CDHR2: variants seen among roughly 807,000 people sequenced by gnomAD.
CDHR2 encodes the protein cadherin-related family member 2.
In CDHR2, 104 loss-of-function variants were observed where a neutral mutation model predicts 138.6. The ratio of observed to expected loss-of-function variants is 0.75; its 90% confidence interval spans 0.64 to 0.88. CDHR2 has a LOEUF of 0.88. Ranked by LOEUF, CDHR2 falls within the 40% of genes least tolerant of loss-of-function variation. CDHR2 has a pLI of 0.00. For synonymous variants in CDHR2, 755 were observed against 742.8 expected, an observed-to-expected ratio of 1.02 and a Z score of -0.27; for missense variants, 1,624 against 1,727.6, an observed-to-expected ratio of 0.94 and a Z score of 1.06.
chr5:176,583,797 C>T (rs1758582027), intron 17 of CDHR2, among the ~76,000 whole-genome samples: 1 of 152,154 alleles, frequency 6.6e-6, no homozygotes, highest in African/African-American at 2.4e-5. Flanking sequence ...CCTTTGTGGA[C>T]ATATAATGGT....
chr5:176,572,997 C>T (rs956003690), intron 6 of CDHR2, among the ~76,000 whole-genome samples: 2 of 152,184 alleles, frequency 1.3e-5, no homozygotes, highest in Non-Finnish European at 2.9e-5. Flanking sequence ...GTGACTGCAG[C>T]GGGCACTGCT....
chr5:176,589,596 C>T lies in CDHR2; in HGVS notation c.3186C>T (p.Ala1062=), dbSNP rs757344127. The stretch of plus-strand genomic sequence containing the variant: ...CCACACCGAAGGAGGAGGTGGGCGC[C>T]AACAGACAGGCGATTAATGCGTAGG... The part of the protein sequence containing the change: ...QFSTPKEEVG[A]NRQAINAALT... The change falls in exon 24 of 32, where the codon GCC becomes GCT. Residue 1062 remains alanine (A), a synonymous_variant. Transcript: ENST00000261944. The T allele has an allele frequency of 1.9e-6, 3 of 1,614,016 alleles. No homozygotes were observed. The Admixed American group carries it at 5.0e-5, about 27-fold the overall frequency.
At position 176,575,294 on chromosome 5, in the gene CDHR2, G is replaced by A. The variant is rs35763816; in HGVS notation, c.636G>A (p.Met212Ile). 5.1e-4 allele frequency: 829 copies of A among 1,614,230 alleles called. 6 individuals are homozygous for A. The African/African-American group carries it at 9.8e-3, about 19-fold the overall frequency. Residue 212 changes from methionine to isoleucine, a missense_variant, in exon 9 of 32, where the codon ATG becomes ATA. Transcript: ENST00000261944. ...TCTCCCCGCAGGACTTGGGCGGCAT[G>A]TACCACAACACCTTCACCATCCAGT... ...LELKACDLGG[M>I]YHNTFTIQCS...
intron 1 of CDHR2, among the ~76,000 whole-genome samples, chr5:176,557,775 T>G (rs1039785466): frequency 4.0e-5 from 6 of 151,690 alleles, no homozygotes; most frequent in African/African-American, 1.5e-4. Context: ...TGGTGCGATC[T>G]TGGCTCACTG....
chr5:176,589,204 AG>A lies in CDHR2; in HGVS notation c.3008+25del, dbSNP rs1758770532. The A allele has an allele frequency of 4.3e-6, 7 of 1,613,564 alleles. No homozygotes were observed. The East Asian group carries it at 1.6e-4, about 36-fold the overall frequency. On this transcript the variant is annotated intron_variant, in intron 22 of 31. Transcript: ENST00000261944. Reference sequence around the variant, plus strand: ...TTCAGTAACTGCGGGCGGCCCCGGGAGGGAGGTTGCGGGGAGGGGCCCGATA... The same window carrying A: ...TTCAGTAACTGCGGGCGGCCCCGGGAGGAGGTTGCGGGGAGGGGCCCGATA...
intron 1 of CDHR2, among the ~76,000 whole-genome samples, chr5:176,558,221 T>TC (rs1431616436): frequency 1.3e-5 from 2 of 148,498 alleles, no homozygotes; most frequent in African/African-American, 4.9e-5. Context: ...CTTATTTTTT[T>TC]TTTTTTTTTT....
In CDHR2 at chr5:176,581,528, T is replaced by C; in HGVS notation, c.2004T>C (p.Ser668=). The change falls in exon 17 of 32, where the codon TCT becomes TCC. Residue 668 remains serine, a synonymous_variant. Transcript: ENST00000261944. ...EGRIVLTVLV[S]DCGEPVLGTK... ...GCATTGTGCTGACAGTGCTTGTGTC[T>C]GACTGCGGCGAGCCTGTCCTCGGCA... 1 of 1,614,150 alleles carries C rather than the reference T, an allele frequency of 6.2e-7. No homozygotes were observed. The highest frequency in any genetic ancestry group is 1.1e-5 in the South Asian group (1 of 91,090).
intron 29 of CDHR2, 38 bp from the exon 30 acceptor site, chr5:176,591,366 G>C (rs780694464): frequency 3.2e-5 from 52 of 1,610,656 alleles, no homozygotes; most frequent in Middle Eastern, 1.6e-4. Context: ...TGGTGGGGTG[G>C]CTGAGGGCCA....
chr5:176,589,981 C>A, intron 24 of CDHR2, 97 bp from the exon 25 acceptor site: 1 of 986,580 alleles, frequency 1.0e-6, no homozygotes, highest in Non-Finnish European at 1.6e-6. Flanking sequence ...AGGAGGTGCC[C>A]TTTCTCACTC....
rs1561881480 is a variant in CDHR2, at chr5:176,589,362, GCA to G, written c.3043_3044del (p.Thr1015LeufsTer53). The G allele has an allele frequency of 6.4e-7, 1 of 1,558,912 alleles. No homozygotes were observed. The highest frequency in any genetic ancestry group is 1.2e-5 in the South Asian group (1 of 80,776). ...ACCAGCCTCGACTCCACTCTCCAAG[GCA>G]CCTACCAAGTGACAGTCCAGGCCAG... On this transcript the variant is annotated frameshift_variant, in exon 23 of 32. Coordinates refer to ENST00000261944, the MANE Select transcript of CDHR2 (RefSeq NM_017675.6). LOFTEE classifies it high-confidence loss of function.
intron 1 of CDHR2, among the ~76,000 whole-genome samples, chr5:176,564,439 C>T (rs1269744003): frequency 2.6e-5 from 4 of 152,224 alleles, no homozygotes; most frequent in Non-Finnish European, 2.9e-5. Context: ...CCGCCCGCCT[C>T]GGCCTCCCGA....
At position 176,581,550 on chromosome 5, in the gene CDHR2, G is replaced by A. The variant is rs777044658; in HGVS notation, c.2026G>A (p.Gly676Ser). Reference sequence around the variant, plus strand: ...GTCTGACTGCGGCGAGCCTGTCCTCGGCACCAAAGTCAATGTCACCATCAC... The same window carrying A: ...GTCTGACTGCGGCGAGCCTGTCCTCAGCACCAAAGTCAATGTCACCATCAC... ...LVSDCGEPVLGTKVNVTITVE... is the reference protein window; with the variant it reads ...LVSDCGEPVLSTKVNVTITVE... Residue 676 changes from glycine to serine, a missense_variant, in exon 17 of 32, where the codon GGC becomes AGC. Coordinates refer to ENST00000261944, the MANE Select transcript of CDHR2 (RefSeq NM_017675.6). The A allele has an allele frequency of 5.0e-5, 80 of 1,613,856 alleles. No homozygotes were observed. The highest frequency in any genetic ancestry group is 6.2e-5 in the Non-Finnish European group (73 of 1,180,034).
At chr5:176,581,923 G>A (rs947941266) in intron 17 of CDHR2, among the ~76,000 whole-genome samples, 2 of 152,190 alleles carry the variant, frequency 1.3e-5, no homozygotes, top group African/African-American at 4.8e-5. Flanking sequence ...AAAAGCAAAG[G>A]GAAGGGGTGA....
intron 20 of CDHR2, 114 bp from the exon 21 acceptor site, chr5:176,586,679 G>A (rs1449791799): frequency 3.4e-6 from 3 of 886,240 alleles, no homozygotes; most frequent in Non-Finnish European, 5.4e-6. Context: ...TCTTTTGGTA[G>A]AGAGGTTGAG....
chr5:176,557,437 C>G (rs1757858471), intron 1 of CDHR2, among the ~76,000 whole-genome samples: 1 of 152,152 alleles, frequency 6.6e-6, no homozygotes, highest in Non-Finnish European at 1.5e-5. Context: ...AACTCCTGAG[C>G]TCAAGTGGTC....
At chr5:176,580,469 C>T (rs539007410) in intron 16 of CDHR2, among the ~76,000 whole-genome samples, 18 of 139,010 alleles carry the variant, frequency 1.3e-4, no homozygotes, top group Non-Finnish European at 2.4e-4. Context: ...TTGGAAGCTG[C>T]AGTGAGCTGA....
intron 13 of CDHR2, 29 bp from the exon 14 acceptor site, chr5:176,577,608 A>C: frequency 6.2e-7 from 1 of 1,613,930 alleles, no homozygotes; most frequent in East Asian, 2.2e-5. Flanking sequence ...CTTGGGCCCC[A>C]CAGCTGCTGC....
intron 5 of CDHR2, among the ~76,000 whole-genome samples, chr5:176,569,287 G>GTTT (rs549604043): frequency 8.5e-5 from 12 of 141,070 alleles, no homozygotes; most frequent in Non-Finnish European, 1.1e-4. Flanking sequence ...TAAATTAAAT[G>GTTT]TTTTTTTTTT....
At position 176,589,430 on chromosome 5, in the gene CDHR2, A is replaced by G. The variant is rs769846379; in HGVS notation, c.3109A>G (p.Thr1037Ala). 2 of 1,598,074 alleles carry G rather than the reference A, an allele frequency of 1.3e-6. No homozygotes were observed. The highest frequency in any genetic ancestry group is 1.7e-6 in the Non-Finnish European group (2 of 1,170,060). Residue 1037 changes from threonine (T) to alanine (A), a missense_variant, in exon 23 of 32, where the codon ACC (threonine) becomes GCC (alanine). This residue lies in a region of CDHR2 where 556 missense variants were observed against 565.7 expected (regional missense o/e 0.98). Transcript: ENST00000261944. ...SLGPFLEATT[T>A]LNLFTVDQSY... The stretch of plus-strand genomic sequence containing the variant: ...GGGTCCTTTCCTGGAAGCCACCACC[A>G]CCCTGAATGTGAGTGCTGGTCCCAC...
Sources: gnomAD v4.1 joint callset for allele counts (sites outside exome capture counted in the v4.1 genomes callset) on GRCh38, gnomAD v4.1.1 for gene constraint, gnomAD v4.1.1 regional missense constraint, MANE v1.5 for transcripts, NCBI Gene and HGNC (gene_info 2026-07-23, HGNC 2026-07-21) for gene names.